ADARB2: variants seen among roughly 807,000 people sequenced by gnomAD.
The protein encoded by ADARB2 is adenosine deaminase RNA specific B2 (inactive), also known as inactive double-stranded RNA-specific editase B2.
In ADARB2, 25 loss-of-function variants were observed where a neutral mutation model predicts 62.2. The ratio of observed to expected loss-of-function variants is 0.40; its 90% CI spans 0.29 to 0.56. The LOEUF is 0.56. Ranked by LOEUF, ADARB2 falls within the 20% of genes least tolerant of loss-of-function variation. ADARB2 has a pLI of 0.43. For missense variants in ADARB2, 1,071 were observed against 1,077.4 expected, an observed-to-expected ratio of 0.99 and a Z score of 0.08; for synonymous variants, 572 against 500.8, an observed-to-expected ratio of 1.14 and a Z score of -1.90.
At chr10:1,617,295 C>A (rs1160741309) in intron 1 of ADARB2, among the ~76,000 whole-genome samples, 1 of 140,154 alleles carries the variant, frequency 7.1e-6, no homozygotes, top group Admixed American at 7.2e-5. Context: ...TGTTTGTGTG[C>A]CCGTCCAGAC....
intron 3 of ADARB2, among the ~76,000 whole-genome samples, chr10:1,329,478 T>C (rs2131832997): frequency 6.6e-6 from 1 of 152,290 alleles, no homozygotes; most frequent in South Asian, 2.1e-4. Context: ...CCTGGCTGGG[T>C]GCCTGAGTCA....
chr10:1,350,672 C>T (rs889983381), intron 3 of ADARB2, among the ~76,000 whole-genome samples: 3 of 152,164 alleles, frequency 2.0e-5, no homozygotes, highest in African/African-American at 4.8e-5. Flanking sequence ...GTTCATGGCT[C>T]GTTCGGCAGC....
chr10:1,446,742 G>T (rs78492247), intron 1 of ADARB2, among the ~76,000 whole-genome samples: 2 of 152,074 alleles, frequency 1.3e-5, no homozygotes, highest in Non-Finnish European at 2.9e-5. Context: ...CAGTTAAAAC[G>T]TTCTTGTATG....
At chr10:1,211,253 TTATCATC>T (rs1837147013) in intron 7 of ADARB2, among the ~76,000 whole-genome samples, 1 of 152,250 alleles carries the variant, frequency 6.6e-6, no homozygotes, top group Non-Finnish European at 1.5e-5. Flanking sequence ...CTGTCATCTG[TTATCATC>T]TATCATCTAT....
intron 8 of ADARB2, chr10:1,187,742 T>G: frequency 1.1e-5 from 3 of 279,462 alleles, no homozygotes. Flanking sequence ...GCACGTGCAC[T>G]GCTCCACACT....
chr10:1,411,479 T>C (rs1199121423), intron 1 of ADARB2, among the ~76,000 whole-genome samples: 1 of 152,242 alleles, frequency 6.6e-6, no homozygotes, highest in Non-Finnish European at 1.5e-5. Flanking sequence ...CCCAAGTTAC[T>C]GCTGGACCCA....
intron 3 of ADARB2, among the ~76,000 whole-genome samples, chr10:1,351,678 A>G (rs1431039277): frequency 2.0e-5 from 3 of 151,836 alleles, no homozygotes; most frequent in Non-Finnish European, 4.4e-5. Flanking sequence ...ACCCCTCACC[A>G]TCCCATTAAA....
chr10:1,233,832 C>G lies in ADARB2; in HGVS notation c.1375G>C (p.Asp459His), dbSNP rs766861417. 6 of 1,613,774 alleles carry G rather than the reference C, an allele frequency of 3.7e-6. No individual in the cohort carries two copies. Among genetic ancestry groups the G allele is most frequent in the Admixed American group, 1.7e-5 (1 of 59,982 alleles). Reference protein sequence around the residue: ...LELHLSKRREDSERSIFVRLK... With the variant: ...LELHLSKRREHSERSIFVRLK... ...CGCACGAATATCGATCGCTCTGAGTCCTCGCGCCGCTTGCTAGGGTCACAA... is the reference window on the plus strand; with the variant it reads ...CGCACGAATATCGATCGCTCTGAGTGCTCGCGCCGCTTGCTAGGGTCACAA... The change falls in exon 6 of 10, where the codon GAC (aspartate) becomes CAC (histidine). Residue 459 changes from aspartate to histidine, a missense_variant. Physicochemically the swap from Asp to His is moderately conservative, Grantham distance 81. Coordinates refer to ENST00000381312, the MANE Select transcript of ADARB2 (RefSeq NM_018702.4).
intron 4 of ADARB2, 116 bp from the exon 5 acceptor site, chr10:1,242,415 C>A: frequency 7.5e-7 from 1 of 1,338,140 alleles, no homozygotes; most frequent in East Asian, 2.6e-5. Context: ...CTTGGAAACA[C>A]TGCGTTTTGA....
intron 3 of ADARB2, among the ~76,000 whole-genome samples, chr10:1,287,174 C>T (rs902934144): frequency 1.3e-5 from 2 of 152,174 alleles, no homozygotes; most frequent in Non-Finnish European, 2.9e-5. Context: ...CGACTGTGCT[C>T]ACAGGATGGT....
chr10:1,485,029 G>A (rs1316794681), intron 1 of ADARB2, among the ~76,000 whole-genome samples: 1 of 152,080 alleles, frequency 6.6e-6, no homozygotes, highest in Admixed American at 6.5e-5. Context: ...TAAGTATGTA[G>A]GTGGATTTGT....
chr10:1,639,140 C>A lies in ADARB2; in HGVS notation c.100+97911G>T, dbSNP rs72478241. Among the ~76,000 whole-genome samples, 66 of 152,330 alleles carry A rather than the reference C, an allele frequency of 4.3e-4. 2 individuals carry two copies. In the East Asian group the frequency reaches 0.013, roughly 29 times the overall value. The stretch of plus-strand genomic sequence containing the variant: ...TCAGGAGAATGGGAGGGCCATGGTC[C>A]CATGGGCATGAGTGCTCTCCTGCTG... On this transcript the variant is annotated intron_variant, in intron 1 of 9. Transcript: ENST00000381312.
chr10:1,242,282 C>A lies in ADARB2; in HGVS notation c.1210G>T (p.Ala404Ser). The A allele has an allele frequency of 6.4e-7, 1 of 1,564,896 alleles. No individual in the cohort carries two copies. Among genetic ancestry groups the A allele is most frequent in the Non-Finnish European group, 8.6e-7 (1 of 1,156,720 alleles). Residue 404 changes from alanine (A) to serine (S), a missense_variant, in exon 5 of 10, where the codon GCG becomes TCG. By Grantham distance (99) the Ala-to-Ser change is moderately conservative. Transcript: ENST00000381312. ...VMTKGLDARQ[A>S]QVVALSSGTK... ...CCCGAGGACAGGGCCACGACCTGCG[C>A]CTGCCGAGCATCCAGGCCTGGGGAC...
intron 3 of ADARB2, among the ~76,000 whole-genome samples, chr10:1,332,365 G>T (rs183279520): frequency 6.6e-6 from 1 of 151,584 alleles, no homozygotes; most frequent in African/African-American, 2.4e-5. Flanking sequence ...GCAGTGAGCT[G>T]GTGTTGCACC....
intron 1 of ADARB2, among the ~76,000 whole-genome samples, chr10:1,523,753 G>A (rs954694591): frequency 6.6e-6 from 1 of 152,158 alleles, no homozygotes; most frequent in East Asian, 1.9e-4. Flanking sequence ...CTAGTCAGAT[G>A]CTCCCCATCC....
At chr10:1,577,321 G>A (rs1564336050) in intron 1 of ADARB2, among the ~76,000 whole-genome samples, 6 of 150,748 alleles carry the variant, frequency 4.0e-5, no homozygotes, top group Middle Eastern at 3.4e-3. Flanking sequence ...CCTGGTGTAA[G>A]GCCATCCAGA....
intron 1 of ADARB2, among the ~76,000 whole-genome samples, chr10:1,681,022 C>A (rs1486371149): frequency 6.6e-6 from 1 of 152,082 alleles, no homozygotes. Flanking sequence ...GGGTTAGGGA[C>A]CCCCCTGGAG....
chr10:1,569,113 A>C (rs575900628), intron 1 of ADARB2, among the ~76,000 whole-genome samples: 1 of 147,874 alleles, frequency 6.8e-6, no homozygotes, highest in Admixed American at 6.7e-5. Context: ...AGGGATATAA[A>C]GAAAGAGACA....
At chr10:1,567,438 C>T (rs1462441150) in intron 1 of ADARB2, among the ~76,000 whole-genome samples, 1 of 152,196 alleles carries the variant, frequency 6.6e-6, no homozygotes, top group African/African-American at 2.4e-5. Flanking sequence ...CCAAGGTTCA[C>T]ATCCCAGGTC....
Sources: gnomAD v4.1 joint callset for allele counts (sites outside exome capture counted in the v4.1 genomes callset) on GRCh38, gnomAD v4.1.1 for gene constraint, MANE v1.5 for transcripts, NCBI Gene and HGNC (gene_info 2026-07-23, HGNC 2026-07-21) for gene names.